Variants in C8orf34 observed in about 807,000 individuals in gnomAD.
C8orf34 encodes chromosome 8 open reading frame 34, also known as uncharacterized protein C8orf34.
A neutral mutation model predicts 68.3 loss-of-function variants in C8orf34; 65 were observed. The ratio of observed to expected loss-of-function variants is 0.95; its 90% confidence interval spans 0.78 to 1.17. The LOEUF is 1.17. Among genes scored for constraint, C8orf34 ranks in the 50% most tolerant of loss-of-function variants. The pLI is 0.00. For missense variants in C8orf34, 664 were observed against 655.4 expected (o/e 1.01, Z -0.14); for synonymous variants, 244 against 241.2 (o/e 1.01, Z -0.11).
intron 5 of C8orf34, among the ~76,000 whole-genome samples, chr8:68,498,710 A>C (rs1053916430): frequency 1.5e-4 from 23 of 152,232 alleles, no homozygotes; most frequent in African/African-American, 5.3e-4. Flanking sequence ...AAATTTAAGT[A>C]AAAATATTAT....
intron 1 of C8orf34, among the ~76,000 whole-genome samples, chr8:68,357,603 AT>A (rs757948426): frequency 3.3e-4 from 50 of 152,296 alleles, no homozygotes; most frequent in Non-Finnish European, 6.6e-4. Context: ...TTTTGGATAA[AT>A]TTTGTGAAAC....
intron 8 of C8orf34, among the ~76,000 whole-genome samples, chr8:68,704,648 A>G (rs1444641362): frequency 6.6e-6 from 1 of 152,112 alleles, no homozygotes; most frequent in South Asian, 2.1e-4. Context: ...AAAAGATCAC[A>G]TCCACCCACA....
At chr8:68,682,862 T>C (rs1194099635) in intron 8 of C8orf34, among the ~76,000 whole-genome samples, 1 of 152,188 alleles carries the variant, frequency 6.6e-6, no homozygotes, top group African/African-American at 2.4e-5. Context: ...TGTTTACTTT[T>C]TTCCAAATTA....
At chr8:68,811,596 T>C (rs1268465758) in intron 12 of C8orf34, among the ~76,000 whole-genome samples, 1 of 152,204 alleles carries the variant, frequency 6.6e-6, no homozygotes, top group Non-Finnish European at 1.5e-5. Flanking sequence ...TAACATTAAA[T>C]AGATCCGCCA....
Position 68,667,137 on chromosome 8 carries a change from C to A in C8orf34, c.1241+26626C>A, listed in dbSNP as rs568056482. On this transcript the variant is annotated intron_variant, in intron 8 of 13. Coordinates refer to ENST00000518698, the MANE Select transcript of C8orf34 (RefSeq NM_052958.4). ...AATAAAGAAAATTAAAGGACACTCC[C>A]TATTTATTTAAAGCCTTGTTAGTTT... Among the ~76,000 whole-genome samples, 9 of 152,170 alleles carry A rather than the reference C, an allele frequency of 5.9e-5. 1 individual carries two copies. The highest frequency in any genetic ancestry group is 2.2e-4 in the African/African-American group (9 of 41,526).
At chr8:68,609,950 A>G (rs1376839604) in intron 7 of C8orf34, among the ~76,000 whole-genome samples, 1 of 152,118 alleles carries the variant, frequency 6.6e-6, no homozygotes, top group Non-Finnish European at 1.5e-5. Flanking sequence ...AGTTTCTGCC[A>G]ATTCCAAGAT....
At chr8:68,442,974 G>C (rs547229480) in intron 2 of C8orf34, among the ~76,000 whole-genome samples, 3 of 152,266 alleles carry the variant, frequency 2.0e-5, no homozygotes, top group African/African-American at 7.2e-5. Context: ...ATAGCTAAGT[G>C]ACATTTCCCA....
At chr8:68,493,233 G>A (rs1813389225) in intron 5 of C8orf34, among the ~76,000 whole-genome samples, 1 of 152,112 alleles carries the variant, frequency 6.6e-6, no homozygotes, top group South Asian at 2.1e-4. Flanking sequence ...TTACACATCT[G>A]ATAAGAAGTT....
chr8:68,460,741 T>G (rs562498822), intron 3 of C8orf34, among the ~76,000 whole-genome samples: 3 of 152,254 alleles, frequency 2.0e-5, no homozygotes, highest in Admixed American at 6.5e-5. Flanking sequence ...TCCTGTCTGT[T>G]AGAAGGAAAA....
intron 5 of C8orf34, among the ~76,000 whole-genome samples, chr8:68,504,243 T>A (rs568288810): frequency 6.6e-6 from 1 of 152,252 alleles, no homozygotes; most frequent in Non-Finnish European, 1.5e-5. Context: ...AAGGTTTGTC[T>A]ATGTTGTTGT....
intron 10 of C8orf34, among the ~76,000 whole-genome samples, chr8:68,753,084 TTTG>T (rs1182002395): frequency 3.3e-5 from 5 of 152,194 alleles, no homozygotes; most frequent in African/African-American, 9.7e-5. Flanking sequence ...CACACATTAT[TTTG>T]TCCTTGAAGG....
intron 2 of C8orf34, among the ~76,000 whole-genome samples, chr8:68,443,822 G>A (rs1811012283): frequency 6.6e-6 from 1 of 152,108 alleles, no homozygotes. Flanking sequence ...TTAGCAACAT[G>A]GGACACAACA....
chr8:68,392,027 A>G (rs1471886455), intron 1 of C8orf34, among the ~76,000 whole-genome samples: 1 of 152,182 alleles, frequency 6.6e-6, no homozygotes, highest in Non-Finnish European at 1.5e-5. Context: ...AATACTTTTG[A>G]TGCCTTTGTT....
intron 10 of C8orf34, among the ~76,000 whole-genome samples, chr8:68,766,097 C>T (rs1208648696): frequency 1.3e-5 from 2 of 152,040 alleles, no homozygotes; most frequent in African/African-American, 4.8e-5. Context: ...GAAATGTTTC[C>T]CTAAATATAG....
intron 5 of C8orf34, among the ~76,000 whole-genome samples, chr8:68,491,681 T>C (rs1813318952): frequency 6.6e-6 from 1 of 152,220 alleles, no homozygotes; most frequent in Non-Finnish European, 1.5e-5. Flanking sequence ...TCATGCAAAG[T>C]CCTTTTGCAT....
intron 6 of C8orf34, among the ~76,000 whole-genome samples, chr8:68,532,559 G>T (rs1815293551): frequency 6.6e-6 from 1 of 152,068 alleles, no homozygotes; most frequent in Non-Finnish European, 1.5e-5. Context: ...ATATGCAAAA[G>T]AAATTAAAGT....
rs555373023 is a variant in C8orf34, at chr8:68,548,069, T to A, written c.1105+14920T>A. ...TTTGAGATGAATTATAGCCCAAACA[T>A]AAAAGCAGAGACTATGAAACTTCCA... On this transcript the variant is annotated intron_variant, in intron 7 of 13. Transcript: ENST00000518698. Among the ~76,000 whole-genome samples, 4 of 151,798 alleles carry A rather than the reference T, an allele frequency of 2.6e-5. No individual in the cohort carries two copies. The East Asian group carries it at 7.7e-4, about 29-fold the overall frequency.
intron 1 of C8orf34, among the ~76,000 whole-genome samples, chr8:68,427,804 A>G (rs1158157159): frequency 6.6e-6 from 1 of 151,970 alleles, no homozygotes; most frequent in Non-Finnish European, 1.5e-5. Flanking sequence ...GCTGGCTGAA[A>G]TGTATATGGA....
rs149344332 is a variant in C8orf34, at chr8:68,448,968, G to A, written c.607+2508G>A. On this transcript the variant is annotated intron_variant, in intron 3 of 13. Transcript: ENST00000518698. ...TAAGAAGACATCATAATACTAAAGC[G>A]TTATGCACCCAATAACAGAAGTTTC... 1.7e-4 allele frequency among the ~76,000 whole-genome samples: 26 copies of A among 151,988 alleles called. 1 individual carries two copies. Among genetic ancestry groups the A allele is most frequent in the Admixed American group, 2.6e-4 (4 of 15,260 alleles).
Sources: allele counts gnomAD v4.1 joint callset (sites outside exome capture counted in the v4.1 genomes callset), GRCh38; gene constraint gnomAD v4.1.1; transcripts MANE v1.5; gene names NCBI Gene and HGNC (gene_info 2026-07-23, HGNC 2026-07-21).